OXR1: variants seen among roughly 807,000 people sequenced by gnomAD.
OXR1 encodes oxidation resistance 1.
Under a neutral mutation model 104.6 loss-of-function variants are expected in OXR1, and 41 were observed. That is an observed-to-expected ratio of 0.39 (90% CI 0.31 to 0.51). OXR1 has a LOEUF of 0.51. Among genes scored for constraint, OXR1 ranks in the 20% least tolerant of loss-of-function variants. OXR1 has a pLI of 0.77. For missense variants in OXR1, 955 were observed against 1,031.9 expected (o/e 0.93, Z 1.02); for synonymous variants, 348 against 348.4 (o/e 1.00, Z 0.01).
chr8:106,426,456 G>A (rs1337231781), intron 2 of OXR1, among the ~76,000 whole-genome samples: 1 of 152,118 alleles, frequency 6.6e-6, no homozygotes, highest in Non-Finnish European at 1.5e-5. Context: ...TCTTCAGGAA[G>A]TAGAGTTATA....
intron 2 of OXR1, among the ~76,000 whole-genome samples, chr8:106,378,994 A>C (rs17252426): frequency 0.027 from 4,043 of 152,290 alleles, 58 homozygotes; most frequent in Non-Finnish European, 0.032. Context: ...AATGGGTTTG[A>C]TTTTTGAGTA....
intron 1 of OXR1, among the ~76,000 whole-genome samples, chr8:106,301,262 C>A (rs532908819): frequency 1.3e-5 from 2 of 152,124 alleles, no homozygotes; most frequent in African/African-American, 4.8e-5. Flanking sequence ...GCTATGCTTA[C>A]GTACTGATTT....
intron 3 of OXR1, among the ~76,000 whole-genome samples, chr8:106,535,333 G>A (rs1394289768): frequency 1.3e-5 from 2 of 152,098 alleles, no homozygotes; most frequent in Non-Finnish European, 2.9e-5. Context: ...CTGCAAAACC[G>A]CTGAAATTAT....
At chr8:106,335,418 A>G (rs1043966048) in intron 1 of OXR1, among the ~76,000 whole-genome samples, 1 of 152,182 alleles carries the variant, frequency 6.6e-6, no homozygotes, top group Non-Finnish European at 1.5e-5. Context: ...TATGGAGTAA[A>G]TGCTCAAAAA....
intron 11 of OXR1, among the ~76,000 whole-genome samples, chr8:106,717,558 A>G (rs1274444431): frequency 6.6e-6 from 1 of 152,178 alleles, no homozygotes; most frequent in Non-Finnish European, 1.5e-5. Flanking sequence ...GTATACATTG[A>G]CTGGGGAAGT....
chr8:106,482,755 C>T (rs1259905990), intron 2 of OXR1, among the ~76,000 whole-genome samples: 1 of 151,998 alleles, frequency 6.6e-6, no homozygotes, highest in Non-Finnish European at 1.5e-5. Flanking sequence ...TTTCTTTTCA[C>T]TCATTTTGAT....
intron 3 of OXR1, among the ~76,000 whole-genome samples, chr8:106,649,887 A>G (rs370697675): frequency 4.5e-4 from 69 of 152,200 alleles, no homozygotes; most frequent in Admixed American, 1.0e-3. Context: ...TAGTAGAGAC[A>G]GGGTTTCACT....
At chr8:106,399,855 C>G (rs891605354) in intron 2 of OXR1, among the ~76,000 whole-genome samples, 32 of 152,088 alleles carry the variant, frequency 2.1e-4, no homozygotes, top group African/African-American at 7.7e-4. Context: ...AGCTTCTTAC[C>G]CCTGAGTTTT....
At chr8:106,532,731 T>G (rs1360554703) in intron 3 of OXR1, among the ~76,000 whole-genome samples, 1 of 152,202 alleles carries the variant, frequency 6.6e-6, no homozygotes, top group Non-Finnish European at 1.5e-5. Context: ...CTTTAAATAC[T>G]TGAAGCCATA....
At chr8:106,616,355 C>A (rs1375219728) in intron 3 of OXR1, among the ~76,000 whole-genome samples, 1 of 151,440 alleles carries the variant, frequency 6.6e-6, no homozygotes, top group Non-Finnish European at 1.5e-5. Flanking sequence ...GCCACCGCGC[C>A]CAGCCAAACA....
At chr8:106,485,709 T>C (rs1318932425) in intron 2 of OXR1, among the ~76,000 whole-genome samples, 1 of 152,076 alleles carries the variant, frequency 6.6e-6, no homozygotes, top group Non-Finnish European at 1.5e-5. Context: ...AGCTAAGATA[T>C]GATCTATCAA....
chr8:106,422,184 G>A (rs1818930956), intron 2 of OXR1, among the ~76,000 whole-genome samples: 1 of 152,158 alleles, frequency 6.6e-6, no homozygotes, highest in Admixed American at 6.6e-5. Context: ...AGTGGAGAAA[G>A]GAAGTCTCCT....
In OXR1 at chr8:106,740,494, A is replaced by G. The variant is rs749103498; in HGVS notation, c.2315A>G (p.Gln772Arg). The G allele has an allele frequency of 3.1e-5, 50 of 1,608,834 alleles. No homozygotes were observed. The highest frequency in any genetic ancestry group is 3.9e-5 in the Non-Finnish European group (46 of 1,177,590). ...ATGGTGATTAAAGACAGTGATGGAC[A>G]GGTATGAAACACCAACTGCATAGAT... ...VLMVIKDSDG[Q>R]VFGALASEPL... Residue 772 changes from glutamine (Q) to arginine (R), a missense_variant and splice_region_variant, in exon 14 of 17, where the codon CAG (glutamine) becomes CGG (arginine). Around this residue, in one of 2 missense-constraint regions of OXR1, gnomAD observed 106 missense variants for 179.0 expected, o/e 0.59. Transcript: ENST00000517566.
At chr8:106,594,894 G>A (rs553597043) in intron 3 of OXR1, among the ~76,000 whole-genome samples, 4 of 152,218 alleles carry the variant, frequency 2.6e-5, no homozygotes. Context: ...GGAATTGTTG[G>A]AACTGGAAAG....
intron 5 of OXR1, among the ~76,000 whole-genome samples, chr8:106,683,932 G>T (rs1243859108): frequency 1.3e-5 from 2 of 152,140 alleles, no homozygotes; most frequent in African/African-American, 4.8e-5. Flanking sequence ...ATTCTTAGAA[G>T]TAAAGTTACT....
rs1487188081 is a variant in OXR1 at position 106,422,491 on chromosome 8, T to C, written c.23+62855T>C. ...ATAAATATTTGCTTATTATTCATTATACTAAATAATATTTGCTTATTTAAA... is the reference window on the plus strand; with the variant it reads ...ATAAATATTTGCTTATTATTCATTACACTAAATAATATTTGCTTATTTAAA... On this transcript the variant is annotated intron_variant, in intron 2 of 16. Transcript: ENST00000517566. Among the ~76,000 whole-genome samples the C allele has an allele frequency of 2.0e-5, 3 of 151,472 alleles. No individual in the cohort carries two copies. In the East Asian group the frequency reaches 5.8e-4, roughly 29 times the overall value.
intron 3 of OXR1, among the ~76,000 whole-genome samples, chr8:106,613,165 A>G (rs1443303499): frequency 6.6e-6 from 1 of 152,078 alleles, no homozygotes; most frequent in African/African-American, 2.4e-5. Context: ...AGCAGAAGAA[A>G]ATATGTTCAC....
chr8:106,272,794 TG>T (rs1811872444), intron 1 of OXR1: 1 of 152,234 alleles, frequency 6.6e-6, no homozygotes. Context: ...TTTATGGCTA[TG>T]ATTTTTTTCA....
chr8:106,559,754 A>C (rs1229442459), intron 3 of OXR1, among the ~76,000 whole-genome samples: 4 of 152,094 alleles, frequency 2.6e-5, no homozygotes, highest in Admixed American at 6.6e-5. Context: ...CACCTCTTTT[A>C]TGAGGGTCTT....
Sources: gnomAD v4.1 joint callset for allele counts (sites outside exome capture counted in the v4.1 genomes callset) on GRCh38, gnomAD v4.1.1 for gene constraint, gnomAD v4.1.1 regional missense constraint, MANE v1.5 for transcripts, NCBI Gene and HGNC (gene_info 2026-07-23, HGNC 2026-07-21) for gene names.